CAST: variants seen among roughly 807,000 people sequenced by gnomAD.
CAST encodes MIR583 host.
In CAST, 76 loss-of-function variants were observed where a neutral mutation model predicts 119.6. The ratio of observed to expected loss-of-function variants is 0.64; its 90% CI spans 0.53 to 0.77. CAST has a LOEUF of 0.77. Among genes scored for constraint, CAST ranks in the 30% least tolerant of loss-of-function variants. The pLI is 0.00. For missense variants in CAST, 953 were observed against 946.5 expected (o/e 1.01, Z -0.09); for synonymous variants, 319 against 331.6 (o/e 0.96, Z 0.41).
intron 2 of CAST, among the ~76,000 whole-genome samples, chr5:96,682,605 G>C (rs1415896106): frequency 6.6e-6 from 1 of 151,962 alleles, no homozygotes; most frequent in Non-Finnish European, 1.5e-5. Context: ...GGTTTTGAGA[G>C]GCAAAATTTC....
At chr5:95,986,529 C>T in the CAST span, among the ~76,000 whole-genome samples, 1 of 152,040 alleles carries the variant, frequency 6.6e-6, no homozygotes, top group African/African-American at 2.4e-5. Flanking sequence ...TTAACAGGAC[C>T]CTTGGAGTAC....
chr5:95,982,300 C>T, the CAST span, among the ~76,000 whole-genome samples: 6 of 151,424 alleles, frequency 4.0e-5, no homozygotes, highest in African/African-American at 1.5e-4. Flanking sequence ...CCATTTTCTA[C>T]TTGTATTCAA....
intron 3 of CAST, among the ~76,000 whole-genome samples, chr5:96,700,132 T>C (rs1423221438): frequency 6.6e-6 from 1 of 152,174 alleles, no homozygotes; most frequent in Non-Finnish European, 1.5e-5. Flanking sequence ...GAGGGTATGC[T>C]GACATTCAGT....
rs368243330 is a variant in CAST at position 96,750,632 on chromosome 5, C to T, written c.1474C>T (p.Arg492Trp). 1.8e-5 allele frequency: 29 copies of T among 1,613,260 alleles called. No individual in the cohort carries two copies. The highest frequency in any genetic ancestry group is 5.5e-5 in the South Asian group (5 of 91,082). Residue 492 changes from arginine (R) to tryptophan (W), a missense_variant, in exon 20 of 32, where the codon CGG becomes TGG. Coordinates refer to ENST00000675179, the MANE Select transcript of CAST (RefSeq NM_001750.7). ...AGCTCCTGTGTCGGAGGCTGTGTGT[C>T]GGACCTCCATGTGTAGTATACAGTC... Reference protein sequence around the residue: ...APAPVSEAVCRTSMCSIQSAP... With the variant: ...APAPVSEAVCWTSMCSIQSAP...
At chr5:96,066,263 C>A in the CAST span, among the ~76,000 whole-genome samples, 2 of 152,128 alleles carry the variant, frequency 1.3e-5, no homozygotes, top group African/African-American at 4.8e-5. Context: ...GATAGACAGC[C>A]TGTATCCCTT....
At chr5:96,497,978 G>C in the CAST span, among the ~76,000 whole-genome samples, 1 of 152,112 alleles carries the variant, frequency 6.6e-6, no homozygotes, top group Non-Finnish European at 1.5e-5. Context: ...TTTCTTCTAG[G>C]GTTTTTATGA....
At chr5:96,368,294 G>A in the CAST span, among the ~76,000 whole-genome samples, 1 of 151,874 alleles carries the variant, frequency 6.6e-6, no homozygotes, top group South Asian at 2.1e-4. Context: ...TAGGTCAGGA[G>A]TTCGAGACCA....
the CAST span, among the ~76,000 whole-genome samples, chr5:96,332,654 T>C: frequency 5.3e-5 from 8 of 152,058 alleles, 1 homozygote; most frequent in East Asian, 1.2e-3. Flanking sequence ...AAATGTGACA[T>C]GATGGGGTAG....
the CAST span, chr5:96,416,067 G>T: frequency 6.2e-7 from 1 of 1,612,564 alleles, no homozygotes; most frequent in Non-Finnish European, 8.5e-7. Context: ...CTCCAACCCC[G>T]CATTTGTGAT....
intron 1 of CAST, among the ~76,000 whole-genome samples, chr5:96,549,817 G>C (rs1022123681): frequency 3.3e-5 from 5 of 152,232 alleles, no homozygotes; most frequent in African/African-American, 1.2e-4. Context: ...AATCGACCTG[G>C]GACGTGGGAG....
At chr5:96,488,203 G>A in the CAST span, among the ~76,000 whole-genome samples, 9 of 152,236 alleles carry the variant, frequency 5.9e-5, no homozygotes, top group African/African-American at 2.2e-4. Flanking sequence ...TAACTCAATA[G>A]TCTAACACAG....
At chr5:96,452,976 A>AAAAAAAAGAAG in the CAST span, among the ~76,000 whole-genome samples, 1 of 142,352 alleles carries the variant, frequency 7.0e-6, no homozygotes, top group African/African-American at 2.9e-5. Context: ...AAAAAAAAAA[A>AAAAAAAAGAAG]CAGAAGAAAG....
the CAST span, among the ~76,000 whole-genome samples, chr5:95,997,061 CA>C: frequency 1.3e-5 from 2 of 152,096 alleles, no homozygotes; most frequent in Admixed American, 1.3e-4. Flanking sequence ...ACCAAAGAAG[CA>C]AACTTAATAG....
chr5:96,751,998 AC>A (rs980296713), intron 20 of CAST, among the ~76,000 whole-genome samples: 5 of 152,182 alleles, frequency 3.3e-5, no homozygotes, highest in Non-Finnish European at 7.3e-5. Flanking sequence ...GGATTGTGAC[AC>A]CCTCGAACGC....
chr5:96,604,588 G>T (rs1403167856), intron 1 of CAST, among the ~76,000 whole-genome samples: 1 of 152,196 alleles, frequency 6.6e-6, no homozygotes, highest in Non-Finnish European at 1.5e-5. Context: ...CAGGTACGGG[G>T]ATAGGGCACA....
the CAST span, chr5:96,416,262 T>C: frequency 1.5e-6 from 1 of 682,940 alleles, no homozygotes; most frequent in South Asian, 1.5e-5. Context: ...TAAATTAGTA[T>C]AACATAAAAC....
the CAST span, among the ~76,000 whole-genome samples, chr5:96,302,049 A>G: frequency 6.6e-6 from 1 of 152,166 alleles, no homozygotes; most frequent in African/African-American, 2.4e-5. Flanking sequence ...ACATCCGGAC[A>G]TTTCCATACG....
chr5:96,441,215 G>A, the CAST span, among the ~76,000 whole-genome samples: 1 of 152,134 alleles, frequency 6.6e-6, no homozygotes, highest in African/African-American at 2.4e-5. Flanking sequence ...GAGTAGGGAG[G>A]CATCTTGGAC....
the CAST span, among the ~76,000 whole-genome samples, chr5:96,327,379 T>C: frequency 6.6e-6 from 1 of 152,222 alleles, no homozygotes; most frequent in Non-Finnish European, 1.5e-5. Context: ...CCTTCAAAGA[T>C]AAAGTATACT....
Sources: allele counts gnomAD v4.1 joint callset (sites outside exome capture counted in the v4.1 genomes callset), GRCh38; gene constraint gnomAD v4.1.1; transcripts MANE v1.5; gene names NCBI Gene and HGNC (gene_info 2026-07-23, HGNC 2026-07-21).